SCRIB: variants seen among roughly 807,000 people sequenced by gnomAD.
SCRIB encodes scribble planar cell polarity protein.
In SCRIB, 72 loss-of-function variants were observed where a neutral mutation model predicts 170.0. The observed-to-expected ratio is 0.42, with a 90% CI of 0.35 to 0.52. SCRIB has a LOEUF of 0.52. Among genes scored for constraint, SCRIB ranks in the 20% least tolerant of loss-of-function variants. The pLI, the probability that SCRIB is intolerant of heterozygous loss-of-function variation, is 0.02. For synonymous variants in SCRIB, 1,298 were observed against 1,044.3 expected, an observed-to-expected ratio of 1.24 and a Z score of -4.68; for missense variants, 2,475 against 2,338.5, an observed-to-expected ratio of 1.06 and a Z score of -1.20.
rs537937141 is a variant in SCRIB at position 143,803,145 on chromosome 8, G to C, written c.3603+238C>G. ...CGCCCCTCCCACCATCCGTTCACGT[G>C]CCTCGTCCTACTTGGACTGGGCCTC... On this transcript the variant is annotated intron_variant, in intron 24 of 36. Coordinates refer to ENST00000356994, the MANE Select transcript of SCRIB (RefSeq NM_182706.5). Among the ~76,000 whole-genome samples the C allele has an allele frequency of 1.2e-4, 19 of 152,260 alleles. 1 individual carries two copies. The highest frequency in any genetic ancestry group is 3.3e-4 in the Admixed American group (5 of 15,286).
intron 24 of SCRIB, 112 bp from the exon 25 acceptor site, chr8:143,795,642 C>A: frequency 1.1e-6 from 1 of 925,644 alleles, no homozygotes; most frequent in Non-Finnish European, 1.7e-6. Context: ...CCAGGAGCCG[C>A]GTCCCTGGGC....
chr8:143,812,398 G>A lies in SCRIB; in HGVS notation c.788-14C>T, dbSNP rs562210900. 157 of 1,575,098 alleles carry A rather than the reference G, an allele frequency of 1.0e-4. 2 individuals carry two copies. In the South Asian group the frequency reaches 1.6e-3, roughly 16 times the overall value. ...GCTTCAGCTGACCTGGCGTCGGGGA[G>A]ACAGGGGGACAAGGCTGAGCATGGT... is the stretch of plus-strand genomic sequence containing the variant. On this transcript the variant is annotated splice_polypyrimidine_tract_variant and intron_variant, in intron 8 of 36. Coordinates refer to ENST00000356994, the MANE Select transcript of SCRIB (RefSeq NM_182706.5).
rs1820127442 is a variant in SCRIB, at chr8:143,792,055, C to A, written c.4593G>T (p.Gly1531=). The change falls in exon 33 of 37, where the codon GGG becomes GGT. Residue 1531 remains glycine, a synonymous_variant. Transcript: ENST00000356994. ...SRSQEGRGTR[G]PLERLAEAPS... ...GGGCCTCGGCCAGTCGCTCCAGGGG[C>A]CCCCGCGTGCCCCGGCCTTCCTGGG... 2.5e-6 allele frequency: 4 copies of A among 1,584,898 alleles called. No homozygotes were observed. Among genetic ancestry groups the A allele is most frequent in the Non-Finnish European group, 3.4e-6 (4 of 1,170,908 alleles).
chr8:143,791,561 G>A, intron 35 of SCRIB, 105 bp downstream of exon 35: 1 of 1,550,388 alleles, frequency 6.4e-7, no homozygotes, highest in Admixed American at 1.7e-5. Flanking sequence ...GGGGGGTGAA[G>A]AGGCAGGGCC....
Position 143,811,215 on chromosome 8 carries a change from C to T in SCRIB, c.1037G>A (p.Arg346His), listed in dbSNP as rs202086187. ...CAGCTCTGGTGGCAGGACGGCCAGG[C>T]GGTTGTCCCTCAAGGAGAGGACGCT... ...ALSVLSLRDNRLAVLPPELAH... is the reference protein window; with the variant it reads ...ALSVLSLRDNHLAVLPPELAH... Residue 346 changes from arginine to histidine, a missense_variant, in exon 10 of 37, where the codon CGC becomes CAC. Physicochemically the swap from Arg to His is conservative, Grantham distance 29. Coordinates refer to ENST00000356994, the MANE Select transcript of SCRIB (RefSeq NM_182706.5). The T allele has an allele frequency of 5.8e-5, 93 of 1,611,344 alleles. No individual in the cohort carries two copies. Among genetic ancestry groups the T allele is most frequent in the Admixed American group, 8.4e-5 (5 of 59,816 alleles).
intron 24 of SCRIB, among the ~76,000 whole-genome samples, chr8:143,797,178 C>T (rs1163745646): frequency 3.3e-5 from 5 of 152,184 alleles, no homozygotes; most frequent in Admixed American, 2.0e-4. Context: ...GAGGGGAGGT[C>T]GTGTCAGAAT....
In SCRIB at chr8:143,804,642, G is replaced by C. The variant is rs2130076531; in HGVS notation, c.2935C>G (p.Pro979Ala). The C allele has an allele frequency of 5.2e-6, 8 of 1,536,942 alleles. No individual in the cohort carries two copies. Among genetic ancestry groups the C allele is most frequent in the East Asian group, 2.3e-5 (1 of 44,086 alleles). Reference protein sequence around the residue: ...VATTSITTATPGVPGLPSLAP... With the variant: ...VATTSITTATAGVPGLPSLAP... Reference sequence around the variant, plus strand: ...AGGCTCGGCAACCCAGGCACCCCGGGGGTGGCAGTGGTTATGCTGGTGGTG... The same window carrying C: ...AGGCTCGGCAACCCAGGCACCCCGGCGGTGGCAGTGGTTATGCTGGTGGTG... The change falls in exon 21 of 37, where the codon CCC (proline) becomes GCC (alanine). Residue 979 changes from proline to alanine, a missense_variant. Physicochemically the swap from Pro to Ala is conservative, Grantham distance 27. This residue lies in a region of SCRIB where 1,966 missense variants were observed against 1,742.9 expected (regional missense o/e 1.13). Transcript: ENST00000356994.
At chr8:143,804,449 G>T in intron 21 of SCRIB, 119 bp downstream of exon 21, 1 of 1,096,300 alleles carries the variant, frequency 9.1e-7, no homozygotes, top group South Asian at 1.8e-5. Flanking sequence ...AGGGGAAAGG[G>T]CGAGCAGGCC....
At position 143,809,562 on chromosome 8, in the gene SCRIB, C is replaced by G. The variant is rs1286641675; in HGVS notation, c.1687G>C (p.Asp563His). 24 of 1,610,914 alleles carry G rather than the reference C, an allele frequency of 1.5e-5. No homozygotes were observed. Among genetic ancestry groups the G allele is most frequent in the Non-Finnish European group, 1.9e-5 (22 of 1,179,578 alleles). The change falls in exon 14 of 37, where the codon GAC (aspartate) becomes CAC (histidine). Residue 563 changes from aspartate to histidine, a missense_variant. By Grantham distance (81) the Asp-to-His change is moderately conservative. This residue lies in a region of SCRIB where 1,966 missense variants were observed against 1,742.9 expected (regional missense o/e 1.13). Coordinates refer to ENST00000356994, the MANE Select transcript of SCRIB (RefSeq NM_182706.5). ...CTGCCAATCCACACCTCCTGGTAGTCCTCTTCGGCGTCTTCCTCCCCGCCA... is the reference window on the plus strand; with the variant it reads ...CTGCCAATCCACACCTCCTGGTAGTGCTCTTCGGCGTCTTCCTCCCCGCCA... ...TAGGEEDAEE[D>H]YQEPTVHFAE... is the part of the protein sequence containing the mutation.
intron 9 of SCRIB, among the ~76,000 whole-genome samples, chr8:143,811,803 C>T (rs1247121545): frequency 6.6e-6 from 1 of 152,150 alleles, no homozygotes; most frequent in Non-Finnish European, 1.5e-5. Flanking sequence ...CCCGGAAACT[C>T]CCATGAACAC....
chr8:143,805,483 GA>G, intron 18 of SCRIB, 48 bp from the exon 19 acceptor site: 1 of 1,434,288 alleles, frequency 7.0e-7, no homozygotes, highest in Non-Finnish European at 9.2e-7. Flanking sequence ...TGCCGCCACA[GA>G]CAGCCACGTG....
At chr8:143,809,766 G>A (rs775324973) in intron 13 of SCRIB, 48 bp from the exon 14 acceptor site, 76 of 1,584,024 alleles carry the variant, frequency 4.8e-5, no homozygotes, top group Non-Finnish European at 6.4e-5. Flanking sequence ...CCGACTCACA[G>A]GCTGGCCACC....
At chr8:143,806,874 TG>T in intron 17 of SCRIB, 49 bp downstream of exon 17, 1 of 1,289,280 alleles carries the variant, frequency 7.8e-7, no homozygotes, top group Non-Finnish European at 1.1e-6. Context: ...GTGTGAACTG[TG>T]GTGGGGCAGG....
chr8:143,813,224 T>C lies in SCRIB; in HGVS notation c.567+87A>G, dbSNP rs936016542. ...CCGCCTGCCCTCCCGAGGTGCCCCTTGCTGTCGGATCTGCTCGCTGTCCCC... is the reference window on the plus strand; with the variant it reads ...CCGCCTGCCCTCCCGAGGTGCCCCTCGCTGTCGGATCTGCTCGCTGTCCCC... On this transcript the variant is annotated intron_variant, in intron 6 of 36. Coordinates refer to ENST00000356994, the MANE Select transcript of SCRIB (RefSeq NM_182706.5). 88 of 1,594,132 alleles carry C rather than the reference T, an allele frequency of 5.5e-5. 1 individual carries two copies. Among genetic ancestry groups the C allele is most frequent in the Admixed American group, 3.0e-4 (18 of 59,966 alleles).
intron 28 of SCRIB, 147 bp downstream of exon 28, chr8:143,793,753 C>T (rs1814814837): frequency 4.1e-6 from 3 of 725,304 alleles, no homozygotes; most frequent in Admixed American, 2.5e-5. Context: ...ACAGGAGGCC[C>T]CATGGTAGCA....
rs564274755 is a variant in SCRIB, at chr8:143,806,429, C to T, written c.2324G>A (p.Arg775His). The change falls in exon 18 of 37, where the codon CGT (arginine) becomes CAT (histidine). Residue 775 changes from arginine (R) to histidine (H), a missense_variant. Arg to His is a conservative substitution (Grantham distance 29, BLOSUM62 0). Coordinates refer to ENST00000356994, the MANE Select transcript of SCRIB (RefSeq NM_182706.5). The part of the protein sequence containing the change: ...EEGPAARAGV[R>H]VGDKLLEVNG... ...CACCTCCAGGAGCTTGTCACCCACA[C>T]GGACTCCAGCCCGGGCCGCAGGGCC... 2.0e-5 allele frequency: 32 copies of T among 1,605,854 alleles called. No homozygotes were observed. Among genetic ancestry groups the T allele is most frequent in the Admixed American group, 1.9e-4 (11 of 59,350 alleles).
rs190538794 is a variant in SCRIB, at chr8:143,810,111, G to A, written c.1530+368C>T. Among the ~76,000 whole-genome samples, 490 of 152,162 alleles carry A rather than the reference G, an allele frequency of 3.2e-3. 5 individuals are homozygous for A. Among genetic ancestry groups the A allele is most frequent in the African/African-American group, 0.011 (470 of 41,488 alleles). ...CACAGCACGCATGTCACAGCTCTGAGTGAGAACAGTCAGGCCTGCTCTGTC... is the reference window on the plus strand; with the variant it reads ...CACAGCACGCATGTCACAGCTCTGAATGAGAACAGTCAGGCCTGCTCTGTC... On this transcript the variant is annotated intron_variant, in intron 13 of 36. Coordinates refer to ENST00000356994, the MANE Select transcript of SCRIB (RefSeq NM_182706.5).
At chr8:143,805,493 T>TG in intron 18 of SCRIB, 58 bp from the exon 19 acceptor site, 1 of 1,409,972 alleles carries the variant, frequency 7.1e-7, no homozygotes, top group East Asian at 2.7e-5. Context: ...GACAGCCACG[T>TG]GCTGGGGGCT....
chr8:143,802,699 GGAA>G (rs782054041), intron 24 of SCRIB, among the ~76,000 whole-genome samples: 3 of 152,242 alleles, frequency 2.0e-5, no homozygotes, highest in Non-Finnish European at 2.9e-5. Context: ...GATGGCATGG[GGAA>G]GAAGACGGAA....
Sources: gnomAD v4.1 joint callset for allele counts (sites outside exome capture counted in the v4.1 genomes callset) on GRCh38, gnomAD v4.1.1 for gene constraint, gnomAD v4.1.1 regional missense constraint, MANE v1.5 for transcripts, NCBI Gene and HGNC (gene_info 2026-07-23, HGNC 2026-07-21) for gene names.